Variants in PPEF1 observed in about 807,000 individuals in gnomAD.
PPEF1 encodes the protein protein phosphatase with EF-hand domain 1.
In PPEF1, 12 loss-of-function variants were observed where a neutral mutation model predicts 53.3. That is an observed-to-expected ratio of 0.23 (90% confidence interval 0.14 to 0.36). The LOEUF is 0.36. PPEF1 is among the 10% of genes least tolerant of loss of function. The pLI is 1.00. For synonymous variants in PPEF1, 165 were observed against 176.7 expected, an observed-to-expected ratio of 0.93 and a Z score of 0.52; for missense variants, 334 against 490.4, an observed-to-expected ratio of 0.68 and a Z score of 3.01.
upstream of PPEF1, among the ~76,000 whole-genome samples, chrX:18,679,783 CCT>C (rs767861485): frequency 9.9e-5 from 11 of 111,516 alleles, no homozygotes; most frequent in Admixed American, 8.6e-4. Context: ...AAGGCTTGTG[CCT>C]CTCTGGTTAT....
chrX:18,768,615 C>T (rs2045820637), intron 6 of PPEF1, among the ~76,000 whole-genome samples: 1 of 112,564 alleles, frequency 8.9e-6, no homozygotes, highest in Non-Finnish European at 1.9e-5. Flanking sequence ...TATCTGGTCC[C>T]TGTAATGTTC....
rs1449317849 is a variant in PPEF1 at position 18,768,856 on chromosome X, AC to A, written c.558+7283del. Reference sequence around the variant, plus strand: ...GGGATCAGCATGGAGTCCTAAAAGAACCCACTGGCAGAGCACCTAACCTTAT... The same window carrying A: ...GGGATCAGCATGGAGTCCTAAAAGAACCACTGGCAGAGCACCTAACCTTAT... On this transcript the variant is annotated intron_variant, in intron 6 of 15. Transcript: ENST00000470157. 1.3e-3 allele frequency among the ~76,000 whole-genome samples: 147 copies of A among 111,805 alleles called. 1 individual carries two copies. The highest frequency in any genetic ancestry group is 1.6e-3 in the Non-Finnish European group (83 of 53,152).
intron 4 of PPEF1, among the ~76,000 whole-genome samples, chrX:18,757,199 G>A (rs1289423304): frequency 9.0e-6 from 1 of 111,603 alleles, no homozygotes; most frequent in Non-Finnish European, 1.9e-5. Context: ...ATGGCAATAG[G>A]TCTAAATAGT....
chrX:18,737,122 T>C (rs773679655), intron 3 of PPEF1, among the ~76,000 whole-genome samples: 30 of 108,922 alleles, frequency 2.8e-4, no homozygotes, highest in African/African-American at 1.0e-3. Flanking sequence ...GTGTCTCTAT[T>C]TCCTTCAGTT....
At chrX:18,797,367 T>C in intron 10 of PPEF1, among the ~76,000 whole-genome samples, 1 of 112,149 alleles carries the variant, frequency 8.9e-6, no homozygotes, top group Middle Eastern at 4.6e-3. Context: ...TTCACTGAGA[T>C]GTGGGGATAT....
At chrX:18,774,331 C>T (rs1041436266) in intron 6 of PPEF1, among the ~76,000 whole-genome samples, 9 of 112,140 alleles carry the variant, frequency 8.0e-5, no homozygotes, top group African/African-American at 2.6e-4. Context: ...TCAGGTGATC[C>T]GCCCACCTCG....
chrX:18,736,513 C>T (rs1466468511), intron 3 of PPEF1, among the ~76,000 whole-genome samples: 1 of 111,864 alleles, frequency 8.9e-6, no homozygotes, highest in Non-Finnish European at 1.9e-5. Flanking sequence ...TTTTGATGTG[C>T]TGCTGGATTC....
chrX:18,793,952 G>C (rs1178360392), intron 10 of PPEF1, among the ~76,000 whole-genome samples: 1 of 111,714 alleles, frequency 9.0e-6, no homozygotes, highest in Non-Finnish European at 1.9e-5. Context: ...GGCTGGTGTG[G>C]ATTTAATTGG....
chrX:18,796,533 G>A (rs916227104), intron 10 of PPEF1, among the ~76,000 whole-genome samples: 2 of 112,292 alleles, frequency 1.8e-5, no homozygotes, highest in African/African-American at 6.5e-5. Flanking sequence ...CTGTAGCTGG[G>A]AAACATAATT....
chrX:18,729,201 G>C (rs1433232261), intron 1 of PPEF1, among the ~76,000 whole-genome samples: 1 of 111,992 alleles, frequency 8.9e-6, no homozygotes, highest in Non-Finnish European at 1.9e-5. Flanking sequence ...GAGGGAGGGG[G>C]TGTGTTTCTT....
At chrX:18,678,036 G>A (rs1173388892), upstream of PPEF1, among the ~76,000 whole-genome samples, 1 of 107,514 alleles carries the variant, frequency 9.3e-6, no homozygotes, top group Non-Finnish European at 1.9e-5. Flanking sequence ...GGAGTGAGGC[G>A]GGCAGAATCC....
chrX:18,803,262 T>C (rs1349948683), intron 10 of PPEF1, among the ~76,000 whole-genome samples: 1 of 113,283 alleles, frequency 8.8e-6, no homozygotes, highest in Non-Finnish European at 1.9e-5. Context: ...AGATCGCTCA[T>C]GCTGTTGTTT....
chrX:18,811,013 T>C (rs2046793535), intron 12 of PPEF1, among the ~76,000 whole-genome samples: 1 of 112,344 alleles, frequency 8.9e-6, no homozygotes, highest in Non-Finnish European at 1.9e-5. Flanking sequence ...GGATTCCAGG[T>C]TTTCTACATC....
chrX:18,730,066 C>T (rs2044800337), intron 1 of PPEF1, 115 bp from the exon 2 acceptor site: 1 of 754,776 alleles, frequency 1.3e-6, no homozygotes, highest in African/African-American at 2.2e-5. Flanking sequence ...TTTTAATATT[C>T]TTAGAACCTA....
intron 9 of PPEF1, among the ~76,000 whole-genome samples, chrX:18,785,610 T>A (rs2046182991): frequency 9.1e-6 from 1 of 110,470 alleles, no homozygotes; most frequent in South Asian, 3.9e-4. Flanking sequence ...CAGCCAGGCA[T>A]GGTAGCTCAC....
upstream of PPEF1, among the ~76,000 whole-genome samples, chrX:18,675,325 C>G (rs941923013): frequency 3.5e-5 from 4 of 113,762 alleles, no homozygotes; most frequent in Non-Finnish European, 7.5e-5. Context: ...CCGCGAGGGC[C>G]CCGCGCCTTC....
Position 18,757,690 on chromosome X carries a change from C to A in PPEF1, c.460C>A (p.Pro154Thr). 8.3e-7 allele frequency: 1 copy of A among 1,210,705 alleles called. No homozygotes were observed. The highest frequency in any genetic ancestry group is 2.3e-4 in the Middle Eastern group (1 of 4,355). Residue 154 changes from proline to threonine, a missense_variant, in exon 5 of 16, where the codon CCG becomes ACG. By Grantham distance (38) the Pro-to-Thr change is conservative. Transcript: ENST00000470157. ...FETKKVLKQM[P>T]NFTHIQTSPS... ...AACCAAGAAAGTCCTGAAGCAAATGCCGAATTTCACTCACATACAAACTTC... is the reference window on the plus strand; with the variant it reads ...AACCAAGAAAGTCCTGAAGCAAATGACGAATTTCACTCACATACAAACTTC...
At chrX:18,688,258 T>G (rs968858625) in intron 3 of PPEF1, among the ~76,000 whole-genome samples, 3 of 111,991 alleles carry the variant, frequency 2.7e-5, no homozygotes, top group Non-Finnish European at 5.6e-5. Context: ...CTCGCCTACT[T>G]GTTTTCACAT....
At chrX:18,737,243 T>C (rs1257972213) in intron 3 of PPEF1, among the ~76,000 whole-genome samples, 2 of 112,246 alleles carry the variant, frequency 1.8e-5, no homozygotes, top group Admixed American at 9.5e-5. Context: ...ATATCTTTCC[T>C]ACTTTCTCTT....
Sources: allele counts gnomAD v4.1 joint callset (sites outside exome capture counted in the v4.1 genomes callset), GRCh38; gene constraint gnomAD v4.1.1; transcripts MANE v1.5; gene names NCBI Gene and HGNC (gene_info 2026-07-23, HGNC 2026-07-21).